KCNN3: variants seen among roughly 807,000 people sequenced by gnomAD.
The protein encoded by KCNN3 is potassium calcium-activated channel subfamily N member 3, also known as small conductance calcium-activated potassium channel protein 3.
A neutral mutation model predicts 62.9 loss-of-function variants in KCNN3; 16 were observed. The observed-to-expected ratio is 0.25, with a 90% CI of 0.17 to 0.39. The LOEUF (loss-of-function observed/expected upper bound fraction) is 0.39. Among genes scored for constraint, KCNN3 ranks in the 10% least tolerant of loss-of-function variants. KCNN3 has a pLI of 1.00. For missense variants in KCNN3, 599 were observed against 949.4 expected (o/e 0.63, Z 4.85); for synonymous variants, 370 against 389.2 (o/e 0.95, Z 0.58).
At chr1:154,722,093 T>C (rs930887916) in intron 5 of KCNN3, among the ~76,000 whole-genome samples, 6 of 151,984 alleles carry the variant, frequency 3.9e-5, no homozygotes, top group African/African-American at 7.3e-5. Flanking sequence ...TAAATAAAAA[T>C]AGTGCTGGCT....
chr1:154,777,230 C>T (rs759998513), intron 2 of KCNN3, among the ~76,000 whole-genome samples: 7 of 152,090 alleles, frequency 4.6e-5, no homozygotes, highest in Non-Finnish European at 1.0e-4. Context: ...CTTGCTCGCA[C>T]CTCCTGCCTC....
chr1:154,797,719 T>C (rs1413334429), intron 2 of KCNN3, among the ~76,000 whole-genome samples: 1 of 152,172 alleles, frequency 6.6e-6, no homozygotes, highest in East Asian at 1.9e-4. Flanking sequence ...GGTAAATGAA[T>C]TGAATGAGAA....
intron 2 of KCNN3, among the ~76,000 whole-genome samples, chr1:154,819,792 C>T (rs1008019930): frequency 1.3e-5 from 2 of 152,118 alleles, no homozygotes; most frequent in Non-Finnish European, 2.9e-5. Flanking sequence ...ACCAGGCAGT[C>T]GTGATAGTGA....
At chr1:154,728,635 G>A (rs896503949) in intron 4 of KCNN3, among the ~76,000 whole-genome samples, 2 of 151,846 alleles carry the variant, frequency 1.3e-5, no homozygotes, top group Non-Finnish European at 2.9e-5. Context: ...GGGGAGGAGA[G>A]AGGAGAAAAG....
chr1:154,768,711 G>T (rs1203830952), intron 3 of KCNN3, among the ~76,000 whole-genome samples: 1 of 152,170 alleles, frequency 6.6e-6, no homozygotes. Context: ...GAGAGCCCGG[G>T]TCCTGGAGGG....
chr1:154,748,598 C>G (rs1168208552), intron 3 of KCNN3, among the ~76,000 whole-genome samples: 1 of 152,204 alleles, frequency 6.6e-6, no homozygotes, highest in African/African-American at 2.4e-5. Context: ...TGGGCCAAAG[C>G]TTTATGCGCA....
chr1:154,793,624 C>T (rs11577297), intron 2 of KCNN3, among the ~76,000 whole-genome samples: 109,183 of 152,130 alleles, frequency 0.72, 40,247 homozygotes, highest in Middle Eastern at 0.81. Flanking sequence ...TTAAATCTTA[C>T]AGAACTTATT....
At chr1:154,796,332 A>G (rs973953017) in intron 2 of KCNN3, among the ~76,000 whole-genome samples, 2 of 152,124 alleles carry the variant, frequency 1.3e-5, no homozygotes, top group Non-Finnish European at 2.9e-5. Context: ...CCTGGTCTCC[A>G]TAGCTCTTTG....
At position 154,869,475 on chromosome 1, in the gene KCNN3, G is replaced by T; in HGVS notation, c.490C>A (p.Arg164=). The part of the protein sequence containing the change: ...RHRQASPLVH[R]RDSNPFTEIA... ...TCCGTGAAGGGGTTGCTGTCCCGCC[G>T]GTGCACCAGGGGGCTGGCCTGTCGG... Residue 164 remains arginine, a synonymous_variant, in exon 1 of 8, where the codon CGG becomes AGG. Coordinates refer to ENST00000271915, the MANE Select transcript of KCNN3 (RefSeq NM_002249.6). This position sits in a 1 kb window ranked among gnomAD's most constrained non-coding sequence, Gnocchi z 6.1. The T allele has an allele frequency of 1.9e-6, 3 of 1,614,100 alleles. No individual in the cohort carries two copies. Among genetic ancestry groups the T allele is most frequent in the Non-Finnish European group, 2.5e-6 (3 of 1,180,030 alleles).
At chr1:154,859,626 C>T in intron 1 of KCNN3, 2 of 1,508,740 alleles carry the variant, frequency 1.3e-6, no homozygotes, top group Non-Finnish European at 1.8e-6. Flanking sequence ...GGTTCAATGG[C>T]TCAAGCCAGG....
At chr1:154,821,184 CCA>C (rs1228844814) in intron 2 of KCNN3, among the ~76,000 whole-genome samples, 2 of 152,274 alleles carry the variant, frequency 1.3e-5, no homozygotes, top group East Asian at 3.9e-4. Context: ...AGACTTGACC[CCA>C]GTTTTTCTGA....
At chr1:154,775,751 T>C (rs969664906) in intron 2 of KCNN3, among the ~76,000 whole-genome samples, 1 of 152,050 alleles carries the variant, frequency 6.6e-6, no homozygotes, top group Non-Finnish European at 1.5e-5. Context: ...GAGCCTGGGT[T>C]TTTCCAGACA....
At chr1:154,844,778 G>A (rs537862843) in intron 1 of KCNN3, among the ~76,000 whole-genome samples, 1 of 152,258 alleles carries the variant, frequency 6.6e-6, no homozygotes, top group South Asian at 2.1e-4. Flanking sequence ...GGCTGAGGCG[G>A]GTGGATCACC....
chr1:154,776,243 TC>T (rs1177671447), intron 2 of KCNN3, among the ~76,000 whole-genome samples: 3 of 152,214 alleles, frequency 2.0e-5, no homozygotes, highest in Non-Finnish European at 4.4e-5. Context: ...CGAGCTTGTT[TC>T]CACATCTCCA....
At position 154,706,794 on chromosome 1, in the gene KCNN3, A is replaced by C. The variant is rs1010457599; in HGVS notation, c.*1182T>G. The C allele has an allele frequency of 3.9e-5, 6 of 152,200 alleles. No homozygotes were observed. Among genetic ancestry groups the C allele is most frequent in the Non-Finnish European group, 7.3e-5 (5 of 68,044 alleles). The allele number at this position is 152,200 out of a possible 1,614,324, so 9.4% of individuals were successfully genotyped here. ...CAATTGAGGCACTTGGCCCTTTTGC[A>C]CTACTAACATCTGGGGCTGGAAACC... On this transcript the variant is annotated 3_prime_UTR_variant, in exon 8 of 8. Coordinates refer to ENST00000271915, the MANE Select transcript of KCNN3 (RefSeq NM_002249.6).
At chr1:154,733,553 CA>C (rs920854492) in intron 3 of KCNN3, among the ~76,000 whole-genome samples, 1 of 151,292 alleles carries the variant, frequency 6.6e-6, no homozygotes, top group African/African-American at 2.4e-5. Flanking sequence ...GGGAAAATGT[CA>C]AAAAAAAATT....
intron 2 of KCNN3, among the ~76,000 whole-genome samples, chr1:154,810,731 T>C (rs1650371104): frequency 6.6e-6 from 1 of 152,204 alleles, no homozygotes; most frequent in South Asian, 2.1e-4. Flanking sequence ...ACTGGGTTAC[T>C]GTTCAGCCCT....
chr1:154,711,740 A>G (rs988727272), intron 7 of KCNN3, among the ~76,000 whole-genome samples: 1 of 152,204 alleles, frequency 6.6e-6, no homozygotes, highest in Non-Finnish European at 1.5e-5. Flanking sequence ...CGTGGCCCAA[A>G]TTGGCCAATC....
At chr1:154,843,983 G>A (rs369960652) in intron 1 of KCNN3, among the ~76,000 whole-genome samples, 12 of 152,344 alleles carry the variant, frequency 7.9e-5, no homozygotes, top group South Asian at 4.1e-4. Context: ...TAGGAGGGGG[G>A]GCTGCACAGC....
Sources: allele counts gnomAD v4.1 joint callset (sites outside exome capture counted in the v4.1 genomes callset), GRCh38; gene constraint gnomAD v4.1.1; non-coding constraint Gnocchi (gnomAD v3.1); transcripts MANE v1.5; gene names NCBI Gene and HGNC (gene_info 2026-07-23, HGNC 2026-07-21).